Variants in WNT16 observed in about 807,000 individuals in gnomAD.
The protein encoded by WNT16 is Wnt family member 16, also known as protein Wnt-16.
Under a neutral mutation model 35.4 loss-of-function variants are expected in WNT16, and 20 were observed. The ratio of observed to expected loss-of-function variants is 0.56; its 90% confidence interval spans 0.40 to 0.82. The LOEUF is 0.82. Ranked by LOEUF, WNT16 falls within the 40% of genes least tolerant of loss-of-function variation. The pLI is 0.00. For missense variants in WNT16, 461 were observed against 466.0 expected (o/e 0.99, Z 0.10); for synonymous variants, 180 against 179.2 (o/e 1.00, Z -0.03).
chr7:121,332,248 G>GTT (rs1562875872), intron 3 of WNT16, among the ~76,000 whole-genome samples: 1 of 151,972 alleles, frequency 6.6e-6, no homozygotes, highest in Non-Finnish European at 1.5e-5. Context: ...GTGTGTGTGT[G>GTT]TGTGTATACA....
Position 121,339,153 on chromosome 7 carries a change from C to A in WNT16, c.906C>A (p.Ile302=), listed in dbSNP as rs1443747755. 6.2e-7 allele frequency: 1 copy of A among 1,614,060 alleles called. No homozygotes were observed. The highest frequency in any genetic ancestry group is 1.3e-5 in the African/African-American group (1 of 74,926). The change falls in exon 4 of 4, where the codon ATC becomes ATA. Residue 302 remains isoleucine, a synonymous_variant. Coordinates refer to ENST00000222462, the MANE Select transcript of WNT16 (RefSeq NM_057168.2). ...NYCVEDKKLG[I]PGTQGRECNR... is the part of the protein sequence containing the mutation. ...GTGTAGAAGATAAGAAACTGGGAAT[C>A]CCAGGGACACAAGGCAGAGAATGCA...
At chr7:121,326,119 A>G (rs1382949592), upstream of WNT16, among the ~76,000 whole-genome samples, 1 of 150,728 alleles carries the variant, frequency 6.6e-6, no homozygotes, top group Non-Finnish European at 1.5e-5. Flanking sequence ...AAGTTTCTTA[A>G]TCTCCCCAAA....
At chr7:121,329,439 C>G (rs1323131712) in intron 1 of WNT16, 52 bp downstream of exon 1, 1 of 1,594,876 alleles carries the variant, frequency 6.3e-7, no homozygotes, top group Non-Finnish European at 8.6e-7. Context: ...AAGGGGTGCC[C>G]AATCCTAGGG....
intron 3 of WNT16, among the ~76,000 whole-genome samples, chr7:121,334,505 T>C (rs560899454): frequency 4.2e-4 from 64 of 152,266 alleles, no homozygotes; most frequent in Non-Finnish European, 7.5e-4. Context: ...AATTAGGATT[T>C]TAATCTAATA....
intron 3 of WNT16, among the ~76,000 whole-genome samples, chr7:121,333,409 A>T (rs1036927466): frequency 1.3e-5 from 2 of 151,992 alleles, no homozygotes; most frequent in African/African-American, 4.8e-5. Context: ...TCAAAATAGC[A>T]AAATAGAAAG....
In WNT16 at chr7:121,332,951, T is replaced by A. The variant is rs1321532228; in HGVS notation, c.633+987T>A. On this transcript the variant is annotated intron_variant, in intron 3 of 3. Coordinates refer to ENST00000222462, the MANE Select transcript of WNT16 (RefSeq NM_057168.2). ...TATACATATTCACATTAGTGAATATTGACACAACAAAGTTTGAATTCTACA... is the reference window on the plus strand; with the variant it reads ...TATACATATTCACATTAGTGAATATAGACACAACAAAGTTTGAATTCTACA... 2.0e-5 allele frequency among the ~76,000 whole-genome samples: 3 copies of A among 152,050 alleles called. No homozygotes were observed. The South Asian group carries it at 6.2e-4, about 32-fold the overall frequency.
chr7:121,332,061 C>A (rs1793358919), intron 3 of WNT16, 97 bp downstream of exon 3: 2 of 1,394,688 alleles, frequency 1.4e-6, no homozygotes, highest in African/African-American at 1.4e-5. Flanking sequence ...ACTTAAAAAC[C>A]AAACACTGGC....
At chr7:121,335,986 T>TTGTGTGTGTGTGTG (rs36224614) in intron 3 of WNT16, among the ~76,000 whole-genome samples, 1 of 140,208 alleles carries the variant, frequency 7.1e-6, no homozygotes, top group Non-Finnish European at 1.6e-5. Context: ...GAATTAAACT[T>TTGTGTGTGTGTGTG]TGTGTGTGTG....
At chr7:121,329,504 A>C in intron 1 of WNT16, 63 bp from the exon 2 acceptor site, 1 of 1,600,978 alleles carries the variant, frequency 6.2e-7, no homozygotes, top group Non-Finnish European at 8.5e-7. Flanking sequence ...GAGTGACCTA[A>C]TTTTTCGGAA....
chr7:121,329,663 G>A lies in WNT16; in HGVS notation c.192G>A (p.Pro64=), dbSNP rs758088559. ...SRQKELCKRK[P]YLLPSIREGA... ...AGAAGGAGCTGTGCAAGAGGAAACC[G>A]TACCTGCTGCCGAGCATCCGAGAGG... The change falls in exon 2 of 4, where the codon CCG becomes CCA. Residue 64 remains proline, a synonymous_variant. Transcript: ENST00000222462. The A allele has an allele frequency of 1.2e-6, 2 of 1,614,204 alleles. No homozygotes were observed. The highest frequency in any genetic ancestry group is 1.7e-5 in the Admixed American group (1 of 60,034).
chr7:121,339,026 C>T lies in WNT16; in HGVS notation c.779C>T (p.Ser260Leu), dbSNP rs771199347. Residue 260 changes from serine to leucine, a missense_variant, in exon 4 of 4, where the codon TCA becomes TTA. Ser to Leu is a moderately radical substitution (Grantham distance 145). Coordinates refer to ENST00000222462, the MANE Select transcript of WNT16 (RefSeq NM_057168.2). ...AAATATGAAAACAGTATCCAGATAT[C>T]AGACAAAACAAAGAGGAAAATGCGC... Reference protein sequence around the residue: ...KDKYENSIQISDKTKRKMRRR... With the variant: ...KDKYENSIQILDKTKRKMRRR... The T allele has an allele frequency of 1.5e-5, 25 of 1,614,074 alleles. No homozygotes were observed. In the South Asian group the frequency reaches 2.7e-4, roughly 18 times the overall value.
Position 121,331,839 on chromosome 7 carries a change from G to A in WNT16, c.508G>A (p.Asp170Asn), listed in dbSNP as rs765023482. The A allele has an allele frequency of 5.6e-6, 9 of 1,614,194 alleles. No homozygotes were observed. The South Asian group carries it at 6.6e-5, about 12-fold the overall frequency. ...SEGWHWGGCSDDVQYGMWFSR... is the reference protein window; with the variant it reads ...SEGWHWGGCSNDVQYGMWFSR... ...AGGCTGGCACTGGGGGGGCTGCTCC[G>A]ATGATGTCCAGTATGGCATGTGGTT... The change falls in exon 3 of 4, where the codon GAT becomes AAT. Residue 170 changes from aspartate (D) to asparagine (N), a missense_variant. Asp to Asn is a conservative substitution (Grantham distance 23). Coordinates refer to ENST00000222462, the MANE Select transcript of WNT16 (RefSeq NM_057168.2).
At position 121,339,293 on chromosome 7, in the gene WNT16, A is replaced by T. The variant is rs1221475258; in HGVS notation, c.1046A>T (p.Tyr349Phe). The T allele has an allele frequency of 6.2e-7, 1 of 1,614,072 alleles. No homozygotes were observed. The highest frequency in any genetic ancestry group is 1.3e-5 in the African/African-American group (1 of 75,058). The change falls in exon 4 of 4, where the codon TAT becomes TTT. Residue 349 changes from tyrosine to phenylalanine, a missense_variant. Physicochemically the swap from Tyr to Phe is conservative, Grantham distance 22. Coordinates refer to ENST00000222462, the MANE Select transcript of WNT16 (RefSeq NM_057168.2). Reference sequence around the variant, plus strand: ...GAGTGTAAGTTCATCTGGTGCTGCTATGTCCGTTGCAGGAGGTGTGAAAGC... The same window carrying T: ...GAGTGTAAGTTCATCTGGTGCTGCTTTGTCCGTTGCAGGAGGTGTGAAAGC... ...RCECKFIWCC[Y>F]VRCRRCESMT...
At chr7:121,330,388 T>C (rs1793321417) in intron 2 of WNT16, among the ~76,000 whole-genome samples, 1 of 152,244 alleles carries the variant, frequency 6.6e-6, no homozygotes, top group African/African-American at 2.4e-5. Flanking sequence ...CTCGTTTCTT[T>C]GGCTTTTCTA....
intron 3 of WNT16, 27 bp from the exon 4 acceptor site, chr7:121,338,854 G>A (rs1232449793): frequency 1.3e-6 from 2 of 1,590,796 alleles, no homozygotes; most frequent in Non-Finnish European, 1.7e-6. Context: ...ATGATTGATA[G>A]TTGAACACAA....
upstream of WNT16, chr7:121,325,476 C>T (rs1166599633): frequency 1.9e-5 from 30 of 1,613,038 alleles, no homozygotes; most frequent in Non-Finnish European, 2.3e-5. Context: ...AAAGACCTCC[C>T]TATGGTGGGT....
intron 3 of WNT16, among the ~76,000 whole-genome samples, chr7:121,336,326 ATAT>A (rs1584679216): frequency 2.6e-5 from 4 of 152,010 alleles, no homozygotes; most frequent in African/African-American, 9.7e-5. Flanking sequence ...TATAATAAAG[ATAT>A]TATTTCTTTT....
At chr7:121,337,580 C>T (rs770151177) in intron 3 of WNT16, among the ~76,000 whole-genome samples, 3 of 152,150 alleles carry the variant, frequency 2.0e-5, no homozygotes, top group Non-Finnish European at 4.4e-5. Context: ...GTTGACAGAA[C>T]GTCAACTCCA....
rs778469419 is a variant in WNT16 at position 121,339,073 on chromosome 7, A to G, written c.826A>G (p.Lys276Glu). 5 of 1,614,182 alleles carry G rather than the reference A, an allele frequency of 3.1e-6. No individual in the cohort carries two copies. In the South Asian group the frequency reaches 5.5e-5, roughly 18 times the overall value. ...GCGCAGGAGAGAAAAAGATCAGAGGAAAATACCAATCCATAAGGATGATCT... is the reference window on the plus strand; with the variant it reads ...GCGCAGGAGAGAAAAAGATCAGAGGGAAATACCAATCCATAAGGATGATCT... ...KMRRREKDQRKIPIHKDDLLY... is the reference protein window; with the variant it reads ...KMRRREKDQREIPIHKDDLLY... The change falls in exon 4 of 4, where the codon AAA (lysine) becomes GAA (glutamate). Residue 276 changes from lysine (K) to glutamate (E), a missense_variant. Physicochemically the swap from Lys to Glu is moderately conservative, Grantham distance 56 (BLOSUM62 1). Coordinates refer to ENST00000222462, the MANE Select transcript of WNT16 (RefSeq NM_057168.2).
Sources: gnomAD v4.1 joint callset for allele counts (sites outside exome capture counted in the v4.1 genomes callset) on GRCh38, gnomAD v4.1.1 for gene constraint, MANE v1.5 for transcripts, NCBI Gene and HGNC (gene_info 2026-07-23, HGNC 2026-07-21) for gene names.